THSD7B: variants seen among roughly 807,000 people sequenced by gnomAD.
The protein encoded by THSD7B is thrombospondin type 1 domain containing 7B.
A neutral mutation model predicts 213.6 loss-of-function variants in THSD7B; 138 were observed. The ratio of observed to expected loss-of-function variants is 0.65; its 90% CI spans 0.56 to 0.74. THSD7B has a LOEUF of 0.74. THSD7B is among the 30% of genes least tolerant of loss of function. The probability of loss-of-function intolerance (pLI) is 0.00; values close to 1 mark genes in which losing one functional copy is unlikely to be tolerated. For synonymous variants in THSD7B, 742 were observed against 687.0 expected (o/e 1.08, Z -1.25); for missense variants, 1,931 against 1,991.5 (o/e 0.97, Z 0.58).
rs561859821 is a variant in THSD7B at position 137,314,025 on chromosome 2, C to T, written c.2500+37999C>T. On this transcript the variant is annotated intron_variant, in intron 12 of 27. Coordinates refer to ENST00000409968, the MANE Select transcript of THSD7B (RefSeq NM_001316349.2). ...TCGAGGAGTATCTTTGTGGCGTTCT[C>T]TGTATTTCCTGAATCTGAATGTTGG... Among the ~76,000 whole-genome samples the T allele has an allele frequency of 3.4e-3, 516 of 152,202 alleles. 3 individuals are homozygous for T. Among genetic ancestry groups the T allele is most frequent in the African/African-American group, 0.012 (499 of 41,508 alleles).
chr2:137,124,862 T>C (rs1446328381), intron 5 of THSD7B, among the ~76,000 whole-genome samples: 1 of 152,198 alleles, frequency 6.6e-6, no homozygotes, highest in Non-Finnish European at 1.5e-5. Context: ...TTTTTTGTGG[T>C]GAGAACACTT....
Position 137,424,317 on chromosome 2 carries a change from T to C in THSD7B, c.2959+12445T>C, listed in dbSNP as rs537036320. Among the ~76,000 whole-genome samples, 200 of 152,160 alleles carry C rather than the reference T, an allele frequency of 1.3e-3. 2 individuals carry two copies. The highest frequency in any genetic ancestry group is 4.7e-3 in the African/African-American group (195 of 41,538). ...AAAAGAAAAAATTAATTGTCGTTCA[T>C]CAAAATTAAAAATGTAAGTGCTGTA... is the stretch of plus-strand genomic sequence containing the variant. On this transcript the variant is annotated intron_variant, in intron 14 of 27. Transcript: ENST00000409968.
At chr2:137,287,102 T>C (rs1032384807) in intron 12 of THSD7B, among the ~76,000 whole-genome samples, 27 of 152,258 alleles carry the variant, frequency 1.8e-4, no homozygotes, top group African/African-American at 6.3e-4. Context: ...TTTATTATTT[T>C]TGGGGAGAAT....
chr2:137,582,476 C>A (rs1183072849), intron 17 of THSD7B, among the ~76,000 whole-genome samples: 3 of 147,400 alleles, frequency 2.0e-5, no homozygotes, highest in African/African-American at 7.6e-5. Context: ...TCTCCTAATA[C>A]TATCTCTCCT....
intron 24 of THSD7B, among the ~76,000 whole-genome samples, chr2:137,659,094 TAG>T (rs1683293298): frequency 6.6e-6 from 1 of 152,224 alleles, no homozygotes; most frequent in South Asian, 2.1e-4. Context: ...TTGTCTCTCC[TAG>T]AGCTTCGGTG....
intron 15 of THSD7B, among the ~76,000 whole-genome samples, chr2:137,473,454 C>T (rs1007976141): frequency 9.9e-5 from 15 of 152,032 alleles, no homozygotes; most frequent in African/African-American, 2.4e-4. Context: ...ATGATCCGCC[C>T]GCCTCGGCCT....
At chr2:137,568,004 C>G (rs1681274155) in intron 16 of THSD7B, among the ~76,000 whole-genome samples, 1 of 151,934 alleles carries the variant, frequency 6.6e-6, no homozygotes, top group Admixed American at 6.6e-5. Flanking sequence ...AGAAGGAAAA[C>G]AAAGAAAATG....
chr2:137,256,022 C>A (rs185664209), intron 10 of THSD7B, among the ~76,000 whole-genome samples: 6 of 152,186 alleles, frequency 3.9e-5, no homozygotes, highest in Non-Finnish European at 7.4e-5. Context: ...ATTTAAAAAT[C>A]CCCCTTCTTC....
intron 7 of THSD7B, among the ~76,000 whole-genome samples, chr2:137,222,769 T>C (rs562862669): frequency 6.6e-6 from 1 of 152,294 alleles, no homozygotes; most frequent in East Asian, 1.9e-4. Context: ...GAGTGCTTTG[T>C]AAATACCACA....
intron 21 of THSD7B, among the ~76,000 whole-genome samples, chr2:137,649,804 T>C (rs1197358014): frequency 2.6e-5 from 4 of 152,114 alleles, no homozygotes; most frequent in African/African-American, 9.7e-5. Context: ...TTCAAGATAT[T>C]TTGAGTTTCA....
At chr2:136,810,654 C>G (rs1388963156) in intron 1 of THSD7B, among the ~76,000 whole-genome samples, 1 of 152,200 alleles carries the variant, frequency 6.6e-6, no homozygotes, top group Non-Finnish European at 1.5e-5. Context: ...TCTGCTAGTG[C>G]AATGGGCTCT....
At chr2:137,398,161 G>C (rs1348257437) in intron 12 of THSD7B, among the ~76,000 whole-genome samples, 13 of 150,212 alleles carry the variant, frequency 8.7e-5, no homozygotes, top group South Asian at 6.4e-4. Flanking sequence ...CCTTCTCTCA[G>C]CTCGTCAAAG....
At chr2:137,161,133 C>A (rs950005564) in intron 6 of THSD7B, among the ~76,000 whole-genome samples, 8 of 152,054 alleles carry the variant, frequency 5.3e-5, no homozygotes, top group Non-Finnish European at 7.4e-5. Flanking sequence ...AAATCTTCAA[C>A]CTTTATATTC....
intron 7 of THSD7B, among the ~76,000 whole-genome samples, chr2:137,217,641 T>C (rs1681278911): frequency 6.6e-6 from 1 of 152,156 alleles, no homozygotes; most frequent in Non-Finnish European, 1.5e-5. Flanking sequence ...TGGTGATACA[T>C]TTCTAGTCAT....
chr2:137,475,137 G>C (rs958925611), intron 15 of THSD7B, among the ~76,000 whole-genome samples: 2 of 152,104 alleles, frequency 1.3e-5, no homozygotes, highest in South Asian at 4.1e-4. Flanking sequence ...TATGTACTTA[G>C]ATATACATTC....
At chr2:137,273,922 C>T (rs2104808749) in intron 11 of THSD7B, among the ~76,000 whole-genome samples, 1 of 152,170 alleles carries the variant, frequency 6.6e-6, no homozygotes, top group South Asian at 2.1e-4. Context: ...TATTATTAGA[C>T]ATTTTTATGA....
chr2:137,427,743 T>C (rs1204686811), intron 14 of THSD7B, among the ~76,000 whole-genome samples: 8 of 152,124 alleles, frequency 5.3e-5, no homozygotes, highest in Non-Finnish European at 1.0e-4. Flanking sequence ...GAATAAGTTC[T>C]GTAAAACTAA....
chr2:137,313,469 G>C (rs1032744949), intron 12 of THSD7B, among the ~76,000 whole-genome samples: 1 of 151,832 alleles, frequency 6.6e-6, no homozygotes, highest in East Asian at 1.9e-4. Context: ...CAATTTGCCA[G>C]TCTGTGTCTT....
intron 2 of THSD7B, among the ~76,000 whole-genome samples, chr2:137,036,574 A>T (rs1371089361): frequency 6.6e-6 from 1 of 152,116 alleles, no homozygotes; most frequent in Non-Finnish European, 1.5e-5. Flanking sequence ...TTTCAAGTAG[A>T]CTCTTGCTTA....
Sources: gnomAD v4.1 joint callset for allele counts (sites outside exome capture counted in the v4.1 genomes callset) on GRCh38, gnomAD v4.1.1 for gene constraint, MANE v1.5 for transcripts, NCBI Gene and HGNC (gene_info 2026-07-23, HGNC 2026-07-21) for gene names.